Variants in MKLN1 observed in about 807,000 individuals in gnomAD.
MKLN1 encodes the protein muskelin.
In MKLN1, 18 loss-of-function variants were observed where a neutral mutation model predicts 99.0. The ratio of observed to expected loss-of-function variants is 0.18; its 90% CI spans 0.13 to 0.27. The LOEUF is 0.27. Among genes scored for constraint, MKLN1 ranks in the 10% least tolerant of loss-of-function variants. MKLN1 has a pLI of 1.00. For missense variants in MKLN1, 621 were observed against 875.9 expected (o/e 0.71, Z 3.67); for synonymous variants, 288 against 293.2 (o/e 0.98, Z 0.18).
intron 3 of MKLN1, among the ~76,000 whole-genome samples, chr7:131,281,166 T>A (rs1409239906): frequency 6.6e-6 from 1 of 152,196 alleles, no homozygotes; most frequent in African/African-American, 2.4e-5. Flanking sequence ...AGTTTTATAG[T>A]TTTAATTCAT....
At chr7:131,147,560 G>C (rs1795833218) in intron 2 of MKLN1, among the ~76,000 whole-genome samples, 1 of 152,124 alleles carries the variant, frequency 6.6e-6, no homozygotes, top group Non-Finnish European at 1.5e-5. Context: ...CTGCGACTCT[G>C]TTCTAAACCA....
chr7:131,170,521 G>C (rs1400704598), intron 2 of MKLN1, among the ~76,000 whole-genome samples: 2 of 152,234 alleles, frequency 1.3e-5, no homozygotes, highest in Non-Finnish European at 2.9e-5. Flanking sequence ...TTGGAAAGCT[G>C]GTTCAGTGAG....
intron 1 of MKLN1, among the ~76,000 whole-genome samples, chr7:131,368,818 CT>C (rs1229576101): frequency 6.6e-6 from 1 of 152,012 alleles, no homozygotes; most frequent in South Asian, 2.1e-4. Context: ...TCAACAATAA[CT>C]TTTTACTGTT....
At chr7:131,356,445 C>A (rs554485693) in intron 1 of MKLN1, among the ~76,000 whole-genome samples, 3 of 152,104 alleles carry the variant, frequency 2.0e-5, no homozygotes, top group Admixed American at 6.6e-5. Context: ...CATTTCCCCC[C>A]CCAAGAGTCC....
intron 3 of MKLN1, among the ~76,000 whole-genome samples, chr7:131,285,833 T>A (rs1208262908): frequency 6.6e-6 from 1 of 152,170 alleles, no homozygotes; most frequent in Non-Finnish European, 1.5e-5. Context: ...CAATAGTTAG[T>A]CATTCCCTTT....
intron 1 of MKLN1, among the ~76,000 whole-genome samples, chr7:131,340,485 G>A (rs1379891023): frequency 6.6e-6 from 1 of 151,914 alleles, no homozygotes; most frequent in African/African-American, 2.4e-5. Context: ...CATCATGTTG[G>A]CCAGGCTGGT....
chr7:131,223,146 G>A (rs1382615108), intron 3 of MKLN1, among the ~76,000 whole-genome samples: 1 of 152,192 alleles, frequency 6.6e-6, no homozygotes, highest in Non-Finnish European at 1.5e-5. Context: ...GGGATCTGTT[G>A]CCAATCTGGG....
intron 2 of MKLN1, among the ~76,000 whole-genome samples, chr7:131,385,131 A>G (rs541296350): frequency 6.6e-6 from 1 of 152,078 alleles, no homozygotes; most frequent in South Asian, 2.1e-4. Context: ...TGGCTTTTGT[A>G]TCTGACTTTT....
At chr7:131,440,440 G>A (rs1005812002) in intron 10 of MKLN1, among the ~76,000 whole-genome samples, 11 of 152,148 alleles carry the variant, frequency 7.2e-5, no homozygotes, top group African/African-American at 2.7e-4. Flanking sequence ...AATCCTCTGT[G>A]AAGTTATCTG....
At chr7:131,257,732 G>C (rs570779247) in intron 3 of MKLN1, among the ~76,000 whole-genome samples, 2 of 152,092 alleles carry the variant, frequency 1.3e-5, no homozygotes, top group Admixed American at 1.3e-4. Context: ...GGAGGGAAGG[G>C]GAAGGGAGAG....
intron 3 of MKLN1, among the ~76,000 whole-genome samples, chr7:131,225,070 C>CA (rs151006219): frequency 0.044 from 4,520 of 102,340 alleles, 135 homozygotes; most frequent in African/African-American, 0.11. Flanking sequence ...GACTGTGTCT[C>CA]AAAAAAAAAA....
rs1367631019 is a variant in MKLN1 at position 131,161,959 on chromosome 7, GTGTGTATATATATATA to G, written c.-297+19020_-297+19035del. Among the ~76,000 whole-genome samples the G allele has an allele frequency of 2.6e-3, 177 of 67,832 alleles. 2 individuals are homozygous for G. The highest frequency in any genetic ancestry group is 6.8e-3 in the Middle Eastern group (1 of 148). The allele number at this position is 67,832 out of a possible 152,430, so 44.5% of individuals were successfully genotyped here. A position where few individuals can be genotyped will look rare whatever the true frequency, so the allele number is the denominator to read the frequency against. Reference sequence around the variant, plus strand: ...TATACACATATATATACGTGTGTGTGTGTGTATATATATATATATATATATATATATATATATATAT... The same window carrying G: ...TATACACATATATATACGTGTGTGTGTATATATATATATATATATATATAT... On this transcript the variant is annotated intron_variant, in intron 2 of 7. Transcript: ENST00000416992.
intron 1 of MKLN1, among the ~76,000 whole-genome samples, chr7:131,354,519 G>A (rs181083018): frequency 6.7e-6 from 1 of 150,370 alleles, no homozygotes; most frequent in Non-Finnish European, 1.5e-5. Context: ...TTTTGTGGGG[G>A]GGGGCGTAAA....
intron 1 of MKLN1, among the ~76,000 whole-genome samples, chr7:131,366,262 T>G (rs182747813): frequency 5.6e-4 from 86 of 152,264 alleles, no homozygotes; most frequent in Admixed American, 5.5e-3. Context: ...ATCATATGAT[T>G]CAACAAAAAG....
At chr7:131,271,310 A>G (rs150856564) in intron 3 of MKLN1, among the ~76,000 whole-genome samples, 1 of 152,254 alleles carries the variant, frequency 6.6e-6, no homozygotes, top group East Asian at 1.9e-4. Flanking sequence ...AAGGCATGAG[A>G]TGGCTACTTA....
At chr7:131,158,651 C>T (rs932756976) in intron 2 of MKLN1, among the ~76,000 whole-genome samples, 2 of 152,186 alleles carry the variant, frequency 1.3e-5, no homozygotes, top group African/African-American at 4.8e-5. Context: ...GCTTCTCCCT[C>T]AGGTCAAGTA....
At position 131,490,182 on chromosome 7, in the gene MKLN1, T is replaced by G. The variant is rs1028546489; in HGVS notation, c.*2454T>G. On this transcript the variant is annotated 3_prime_UTR_variant, in exon 18 of 18. Coordinates refer to ENST00000352689, the MANE Select transcript of MKLN1 (RefSeq NM_013255.5). Reference sequence around the variant, plus strand: ...AATCGAATTTGGTATTTAGGTACATTGTTTATATAGCCAAGTGTATATGCT... The same window carrying G: ...AATCGAATTTGGTATTTAGGTACATGGTTTATATAGCCAAGTGTATATGCT... 6.6e-6 allele frequency: 1 copy of G among 152,602 alleles called. No homozygotes were observed. The highest frequency in any genetic ancestry group is 2.4e-5 in the African/African-American group (1 of 41,446). The allele number at this position is 152,602 out of a possible 1,614,324, so 9.5% of individuals were successfully genotyped here.
In MKLN1 at chr7:131,397,548, C is replaced by A. The variant is rs112547103; in HGVS notation, c.510+172C>A. ...GCTTTTAAGGAATCCTGATAACTCA[C>A]TTAGTCATTATCACTCTATGAGACA... is the stretch of plus-strand genomic sequence containing the variant. On this transcript the variant is annotated intron_variant, in intron 5 of 17. Coordinates refer to ENST00000352689, the MANE Select transcript of MKLN1 (RefSeq NM_013255.5). Among the ~76,000 whole-genome samples the A allele has an allele frequency of 3.5e-3, 532 of 152,296 alleles. 2 individuals carry two copies. Among genetic ancestry groups the A allele is most frequent in the African/African-American group, 0.012 (506 of 41,574 alleles).
chr7:131,470,759 C>T, intron 15 of MKLN1, 83 bp from the exon 16 acceptor site: 2 of 876,608 alleles, frequency 2.3e-6, no homozygotes, highest in Non-Finnish European at 3.8e-6. Flanking sequence ...CTCAGTATAA[C>T]AGTGTATTTT....
Sources: allele counts gnomAD v4.1 joint callset (sites outside exome capture counted in the v4.1 genomes callset), GRCh38; gene constraint gnomAD v4.1.1; transcripts MANE v1.5; gene names NCBI Gene and HGNC (gene_info 2026-07-23, HGNC 2026-07-21).